Variants in NFU1 observed in about 807,000 individuals in gnomAD.
The protein encoded by NFU1 is NFU1 iron-sulfur cluster scaffold, also known as NFU1 iron-sulfur cluster scaffold homolog, mitochondrial.
A neutral mutation model predicts 32.2 loss-of-function variants in NFU1; 30 were observed. The observed-to-expected ratio is 0.93, with a 90% confidence interval of 0.70 to 1.26. NFU1 has a LOEUF of 1.26. NFU1 is among the 50% of genes most tolerant of loss of function. The pLI, the probability that NFU1 is intolerant of heterozygous loss-of-function variation, is 0.00. For synonymous variants in NFU1, 112 were observed against 104.6 expected, an observed-to-expected ratio of 1.07 and a Z score of -0.43; for missense variants, 306 against 306.6, an observed-to-expected ratio of 1.00 and a Z score of 0.02.
At chr2:69,425,240 C>G (rs1452641286) in intron 2 of NFU1, among the ~76,000 whole-genome samples, 2 of 152,072 alleles carry the variant, frequency 1.3e-5, no homozygotes, top group Non-Finnish European at 2.9e-5. Flanking sequence ...AAGCTGGTCT[C>G]AAACACCTGG....
intron 2 of NFU1, 52 bp downstream of exon 2, chr2:69,431,850 C>T (rs1673648829): frequency 1.9e-6 from 2 of 1,063,550 alleles, no homozygotes; most frequent in Non-Finnish European, 2.9e-6. Context: ...AATCCTAGCA[C>T]AGTTCCATCA....
intron 2 of NFU1, among the ~76,000 whole-genome samples, chr2:69,429,531 G>T (rs1183457300): frequency 6.6e-6 from 1 of 151,978 alleles, no homozygotes; most frequent in East Asian, 1.9e-4. Context: ...AAAAAATCTG[G>T]CTTTATTCTA....
chr2:69,412,584 A>G (rs538885738), intron 5 of NFU1, among the ~76,000 whole-genome samples: 21 of 151,858 alleles, frequency 1.4e-4, no homozygotes, highest in Non-Finnish European at 2.8e-4. Context: ...ATGGGGTTTC[A>G]CCATGTTGGT....
chr2:69,437,557 G>T, upstream of NFU1: 2 of 1,087,930 alleles, frequency 1.8e-6, no homozygotes, highest in Non-Finnish European at 1.4e-6. Flanking sequence ...GCGGATAAGT[G>T]CGGTGGCCTA....
In NFU1 at chr2:69,423,721, A is replaced by C. The variant is rs1673346404; in HGVS notation, c.167-4T>G. The stretch of plus-strand genomic sequence containing the variant: ...GTTTGAATAAACATGTATCTCACTA[A>C]AAAAGAAAAAGAAGAAAATGTTATT... On this transcript the variant is annotated splice_region_variant and splice_polypyrimidine_tract_variant and intron_variant, in intron 2 of 7. Transcript: ENST00000410022. 4 of 1,580,612 alleles carry C rather than the reference A, an allele frequency of 2.5e-6. No individual in the cohort carries two copies. The Middle Eastern group carries it at 6.7e-4, about 263-fold the overall frequency.
intron 5 of NFU1, among the ~76,000 whole-genome samples, chr2:69,413,688 A>G (rs575229623): frequency 6.6e-5 from 10 of 152,122 alleles, no homozygotes; most frequent in African/African-American, 2.4e-4. Context: ...GAACCTGGGA[A>G]GCAGAGGCTG....
At chr2:69,408,772 A>G (rs1672785971) in intron 5 of NFU1, among the ~76,000 whole-genome samples, 1 of 145,680 alleles carries the variant, frequency 6.9e-6, no homozygotes, top group Admixed American at 7.0e-5. Flanking sequence ...ATATATATAC[A>G]CACACACATA....
intron 1 of NFU1, among the ~76,000 whole-genome samples, chr2:69,436,097 T>C (rs766713178): frequency 2.0e-5 from 3 of 152,088 alleles, no homozygotes; most frequent in Non-Finnish European, 4.4e-5. Flanking sequence ...TCATTATTTG[T>C]TAATATATTT....
chr2:69,439,087 CCA>C (rs368866047), upstream of NFU1, among the ~76,000 whole-genome samples: 1 of 152,170 alleles, frequency 6.6e-6, no homozygotes, highest in African/African-American at 2.4e-5. Flanking sequence ...AAATCCTCTT[CCA>C]CACTCTTTTC....
intron 7 of NFU1, among the ~76,000 whole-genome samples, chr2:69,399,801 C>T (rs913948423): frequency 6.6e-6 from 1 of 152,082 alleles, no homozygotes; most frequent in African/African-American, 2.4e-5. Flanking sequence ...TGACTTAATG[C>T]ACTGTGTCAT....
intron 4 of NFU1, chr2:69,416,312 TTA>T (rs1222965196): frequency 1.4e-5 from 2 of 147,674 alleles, no homozygotes; most frequent in African/African-American, 4.9e-5. Context: ...TAATTATAAT[TTA>T]TAATTAATAA....
At chr2:69,407,976 G>A (rs1469469175) in intron 5 of NFU1, among the ~76,000 whole-genome samples, 5 of 147,986 alleles carry the variant, frequency 3.4e-5, no homozygotes, top group South Asian at 2.1e-4. Context: ...TCGCACCACC[G>A]CACTCCAGCC....
At chr2:69,423,545 T>C (rs754223176) in intron 3 of NFU1, 37 bp downstream of exon 3, 3 of 1,595,738 alleles carry the variant, frequency 1.9e-6, no homozygotes, top group East Asian at 2.2e-5. Flanking sequence ...TAGTTATTTA[T>C]GTTTCTTGGT....
chr2:69,416,776 T>C (rs779599448), intron 4 of NFU1, among the ~76,000 whole-genome samples: 10 of 152,100 alleles, frequency 6.6e-5, no homozygotes, highest in Non-Finnish European at 1.5e-4. Flanking sequence ...CAGAGGCCTG[T>C]AATCCCAGCT....
chr2:69,438,915 C>T (rs10199254), upstream of NFU1, among the ~76,000 whole-genome samples: 1,216 of 132,202 alleles, frequency 9.2e-3, 32 homozygotes, highest in African/African-American at 0.033. Context: ...CACCCCCCCA[C>T]ACACACCCAT....
At chr2:69,439,049 TATC>T (rs1222684338), upstream of NFU1, among the ~76,000 whole-genome samples, 1 of 152,028 alleles carries the variant, frequency 6.6e-6, no homozygotes, top group African/African-American at 2.4e-5. Flanking sequence ...ATGGATTCCT[TATC>T]ATAAGAAAAA....
intron 5 of NFU1, among the ~76,000 whole-genome samples, chr2:69,411,689 C>T (rs1008236391): frequency 6.6e-6 from 1 of 151,942 alleles, no homozygotes; most frequent in Non-Finnish European, 1.5e-5. Flanking sequence ...GCCTCCTGGG[C>T]TCAAGCGATC....
intron 3 of NFU1, among the ~76,000 whole-genome samples, chr2:69,422,860 C>T (rs1352669282): frequency 6.6e-6 from 1 of 152,020 alleles, no homozygotes; most frequent in Non-Finnish European, 1.5e-5. Flanking sequence ...GGAATACAGA[C>T]ACATACCACC....
chr2:69,425,284 G>A (rs1313775286), intron 2 of NFU1, among the ~76,000 whole-genome samples: 1 of 151,688 alleles, frequency 6.6e-6, no homozygotes, highest in Non-Finnish European at 1.5e-5. Flanking sequence ...GCCTCCCAAA[G>A]TAAAGTGCTG....
Sources: allele counts gnomAD v4.1 joint callset (sites outside exome capture counted in the v4.1 genomes callset), GRCh38; gene constraint gnomAD v4.1.1; transcripts MANE v1.5; gene names NCBI Gene and HGNC (gene_info 2026-07-23, HGNC 2026-07-21).